OTOA: variants seen among roughly 807,000 people sequenced by gnomAD.
OTOA encodes the protein otoancorin, also known as cancer/testis antigen 108.
Under a neutral mutation model 110.8 loss-of-function variants are expected in OTOA, and 70 were observed. The observed-to-expected ratio is 0.63, with a 90% CI of 0.52 to 0.77. The LOEUF (loss-of-function observed/expected upper bound fraction) is 0.77, where lower values mean the gene tolerates loss of function less well. Among genes scored for constraint, OTOA ranks in the 30% least tolerant of loss-of-function variants. The pLI is 0.00. For missense variants in OTOA, 917 were observed against 1,075.8 expected (o/e 0.85, Z 2.06); for synonymous variants, 373 against 431.5 (o/e 0.86, Z 1.68).
intron 1 of OTOA, among the ~76,000 whole-genome samples, chr16:21,672,782 CT>C (rs1401831649): frequency 3.3e-5 from 5 of 152,120 alleles, no homozygotes. Flanking sequence ...TTCCTTCTAG[CT>C]ATTTGAAACT....
chr16:21,699,358 G>A (rs112675392), intron 10 of OTOA, among the ~76,000 whole-genome samples: 73 of 152,304 alleles, frequency 4.8e-4, no homozygotes, highest in African/African-American at 1.7e-3. Context: ...AGAATGTGCC[G>A]GCTGCCGTGG....
At chr16:21,685,153 G>C (rs1897687183) in intron 6 of OTOA, 77 bp from the exon 7 acceptor site, 2 of 1,575,766 alleles carry the variant, frequency 1.3e-6, no homozygotes, top group African/African-American at 2.7e-5. Context: ...GGGCCGGGCT[G>C]GGCCGCTGGC....
intron 1 of OTOA, among the ~76,000 whole-genome samples, chr16:21,667,041 G>A (rs933015036): frequency 6.6e-6 from 1 of 152,040 alleles, no homozygotes; most frequent in East Asian, 1.9e-4. Context: ...AAAGGGAAGG[G>A]AGAAAAAAGG....
intron 8 of OTOA, among the ~76,000 whole-genome samples, chr16:21,691,344 C>T (rs1170071619): frequency 1.3e-5 from 2 of 152,068 alleles, no homozygotes; most frequent in Non-Finnish European, 2.9e-5. Flanking sequence ...AATGGGATTG[C>T]TGGGTCAAAT....
chr16:21,690,706 C>T (rs1407367790), intron 8 of OTOA, among the ~76,000 whole-genome samples: 7 of 151,832 alleles, frequency 4.6e-5, no homozygotes, highest in African/African-American at 1.5e-4. Flanking sequence ...GGGTATATAC[C>T]CGATAATGGG....
intron 9 of OTOA, among the ~76,000 whole-genome samples, chr16:21,696,967 G>A: frequency 3.4e-5 from 1 of 29,294 alleles, no homozygotes; most frequent in African/African-American, 1.4e-4. Flanking sequence ...AGAGTGAGCT[G>A]TAGCCTCAAA....
chr16:21,705,437 A>C (rs1898143862), intron 12 of OTOA, 145 bp downstream of exon 12: 2 of 1,211,662 alleles, frequency 1.7e-6, no homozygotes, highest in African/African-American at 1.5e-5. Flanking sequence ...GGCATCTCAA[A>C]TACTGAGGTA....
intron 9 of OTOA, 93 bp from the exon 10 acceptor site, chr16:21,697,682 C>A: frequency 8.7e-7 from 1 of 1,153,182 alleles, no homozygotes; most frequent in Non-Finnish European, 1.3e-6. Context: ...AGAAGTAGGT[C>A]TTGACAGCAA....
intron 12 of OTOA, among the ~76,000 whole-genome samples, chr16:21,707,593 TTTTCTTTCTTTCTTTC>T (rs58214995): frequency 0.016 from 1,550 of 94,098 alleles, 23 homozygotes; most frequent in African/African-American, 0.04. Flanking sequence ...TTCTCCTTCC[TTTTCTTTCTTTCTTTC>T]TTTCTTTCTT....
intron 28 of OTOA, among the ~76,000 whole-genome samples, chr16:21,760,254 C>A (rs1198878921): frequency 1.3e-5 from 2 of 151,900 alleles, no homozygotes; most frequent in Admixed American, 6.6e-5. Flanking sequence ...TTCTAACAAG[C>A]TCCCTAGTAC....
rs1312042644 is a variant in OTOA at position 21,681,738 on chromosome 16, C to T, written c.180C>T (p.Ser60=). 1 of 1,613,200 alleles carries T rather than the reference C, an allele frequency of 6.2e-7. No individual in the cohort carries two copies. The highest frequency in any genetic ancestry group is 8.5e-7 in the Non-Finnish European group (1 of 1,179,168). The change falls in exon 6 of 29, where the codon AGC becomes AGT. Residue 60 remains serine (S), a splice_region_variant and synonymous_variant. Coordinates refer to ENST00000646100, the MANE Select transcript of OTOA (RefSeq NM_144672.4). ...NALLDLIQFQ[S]SHVWTDDLSH... ...TTTTCCTGTCTGTCTTCAACTGAAG[C>T]TCCCACGTGTGGACGGATGACCTGT...
At chr16:21,705,517 A>G in intron 12 of OTOA, 2 of 675,384 alleles carry the variant, frequency 3.0e-6, no homozygotes, top group Non-Finnish European at 4.8e-6. Flanking sequence ...ATTTAATCAG[A>G]AAGCTGTCTC....
At chr16:21,697,387 T>A (rs573394665) in intron 9 of OTOA, among the ~76,000 whole-genome samples, 2 of 152,050 alleles carry the variant, frequency 1.3e-5, no homozygotes, top group Admixed American at 1.3e-4. Context: ...ATCCCAGCAC[T>A]TGGGGAGGCA....
chr16:21,718,881 C>T (rs1898636635), intron 15 of OTOA, among the ~76,000 whole-genome samples: 1 of 152,142 alleles, frequency 6.6e-6, no homozygotes, highest in South Asian at 2.1e-4. Flanking sequence ...GTCTTTGCCT[C>T]TCATCTGCCT....
chr16:21,694,536 T>C (rs1279637950), intron 9 of OTOA, among the ~76,000 whole-genome samples: 2 of 152,172 alleles, frequency 1.3e-5, no homozygotes, highest in Admixed American at 1.3e-4. Flanking sequence ...CCATGGATTG[T>C]AGTTTGCCAA....
chr16:21,678,646 C>G, intron 2 of OTOA, 41 bp downstream of exon 2: 1 of 1,553,192 alleles, frequency 6.4e-7, no homozygotes, highest in East Asian at 2.2e-5. Flanking sequence ...GGTTTCCACA[C>G]AGTTTAGGGA....
In OTOA at chr16:21,717,062, C is replaced by T. The variant is rs771444607; in HGVS notation, c.1629+15C>T. Reference sequence around the variant, plus strand: ...GAAGGAGCCAGGTATTACCATGAAACACAGATCGATCCTGTATTTCTGACT... The same window carrying T: ...GAAGGAGCCAGGTATTACCATGAAATACAGATCGATCCTGTATTTCTGACT... On this transcript the variant is annotated intron_variant, in intron 15 of 28. Transcript: ENST00000646100. 1 of 1,613,828 alleles carries T rather than the reference C, an allele frequency of 6.2e-7. No individual in the cohort carries two copies. Among genetic ancestry groups the T allele is most frequent in the Admixed American group, 1.7e-5 (1 of 59,994 alleles).
At chr16:21,705,482 A>G in intron 12 of OTOA, 190 bp downstream of exon 12, 1 of 871,812 alleles carries the variant, frequency 1.1e-6, no homozygotes, top group East Asian at 2.7e-5. Context: ...AAAATAGCAA[A>G]GGAACAGACC....
At chr16:21,722,602 A>G (rs1898791831) in intron 17 of OTOA, among the ~76,000 whole-genome samples, 2 of 152,254 alleles carry the variant, frequency 1.3e-5, no homozygotes, top group South Asian at 4.1e-4. Context: ...CATTGTATGT[A>G]TATACCATAA....
Sources: gnomAD v4.1 joint callset for allele counts (sites outside exome capture counted in the v4.1 genomes callset) on GRCh38, gnomAD v4.1.1 for gene constraint, MANE v1.5 for transcripts, NCBI Gene and HGNC (gene_info 2026-07-23, HGNC 2026-07-21) for gene names.